The following EML5 variants were observed in gnomAD, a reference collection of about 807,000 sequenced individuals.
EML5 encodes the protein EMAP like 5.
In EML5, 120 loss-of-function variants were observed where a neutral mutation model predicts 250.0. The ratio of observed to expected loss-of-function variants is 0.48; its 90% confidence interval spans 0.41 to 0.56. EML5 has a LOEUF of 0.56. Among genes scored for constraint, EML5 ranks in the 20% least tolerant of loss-of-function variants. The pLI, the probability that EML5 is intolerant of heterozygous loss-of-function variation, is 0.00. For synonymous variants in EML5, 771 were observed against 806.5 expected (o/e 0.96, Z 0.75); for missense variants, 2,006 against 2,437.6 (o/e 0.82, Z 3.73).
chr14:88,740,510 G>A lies in EML5; in HGVS notation c.588C>T (p.Asp196=), dbSNP rs373319978. Residue 196 remains aspartate (D), a synonymous_variant, in exon 5 of 44, where the codon GAC becomes GAT. Coordinates refer to ENST00000554922, the MANE Select transcript of EML5 (RefSeq NM_183387.3). ...AGGCTAGGCACAGTATTGTCTGAAG[G>A]TCACCCGTCTTACCAAAGACACCTC... is the stretch of plus-strand genomic sequence containing the variant. The part of the protein sequence containing the change: ...PKRGVFGKTG[D]LQTILCLACA... 3.7e-6 allele frequency: 6 copies of A among 1,613,512 alleles called. No homozygotes were observed. The African/African-American group carries it at 8.0e-5, about 22-fold the overall frequency.
At chr14:88,682,175 T>G in intron 20 of EML5, 144 bp from the exon 21 acceptor site, 1 of 855,192 alleles carries the variant, frequency 1.2e-6, no homozygotes. Context: ...AACTTTTCTG[T>G]TTATCTTTGG....
At position 88,644,511 on chromosome 14, in the gene EML5, C is replaced by T; in HGVS notation, c.4029G>A (p.Arg1343=). 2 of 1,613,560 alleles carry T rather than the reference C, an allele frequency of 1.2e-6. No homozygotes were observed. Among genetic ancestry groups the T allele is most frequent in the Non-Finnish European group, 8.5e-7 (1 of 1,179,710 alleles). Reference sequence around the variant, plus strand: ...GTGGTGGGGCCCTGCTCACTGGAGGCCTGCAACAGAGAAGTGGGGAGGAGG... The same window carrying T: ...GTGGTGGGGCCCTGCTCACTGGAGGTCTGCAACAGAGAAGTGGGGAGGAGG... ...DERQGVVRGS[R]PPVSRAPPQP... Residue 1343 remains arginine (R), a splice_region_variant and synonymous_variant, in exon 30 of 44, where the codon AGG becomes AGA. Coordinates refer to ENST00000554922, the MANE Select transcript of EML5 (RefSeq NM_183387.3).
chr14:88,625,842 A>G (rs1438903537), intron 35 of EML5: 1 of 152,242 alleles, frequency 6.6e-6, no homozygotes, highest in Admixed American at 6.5e-5. Flanking sequence ...AACTTTTCCT[A>G]TAAGTATTGC....
In EML5 at chr14:88,696,928, T is replaced by C. The variant is rs749901278; in HGVS notation, c.2263A>G (p.Ile755Val). The C allele has an allele frequency of 4.4e-6, 7 of 1,599,538 alleles. No homozygotes were observed. The Admixed American group carries it at 8.5e-5, about 19-fold the overall frequency. Reference sequence around the variant, plus strand: ...GGTTTAATGGTCTCTGTATCCCATATATGAATTGAGGGATCTCTACCAACC... The same window carrying C: ...GGTTTAATGGTCTCTGTATCCCATACATGAATTGAGGGATCTCTACCAACC... The part of the protein sequence containing the change: ...GQVGRDPSIH[I>V]WDTETIKPLS... Residue 755 changes from isoleucine to valine, a missense_variant, in exon 15 of 44, where the codon ATA becomes GTA. Around this residue, in one of 7 missense-constraint regions of EML5, gnomAD observed 1,375 missense variants for 1,590.3 expected, o/e 0.86. Coordinates refer to ENST00000554922, the MANE Select transcript of EML5 (RefSeq NM_183387.3).
chr14:88,621,062 C>T (rs551079251), intron 38 of EML5, 51 bp downstream of exon 38: 1 of 1,547,786 alleles, frequency 6.5e-7, no homozygotes, highest in Admixed American at 2.1e-5. Flanking sequence ...GAACTTCCAA[C>T]TTTTCTTTTT....
rs1366543631 is a variant in EML5, at chr14:88,792,614, C to A, written c.-111G>T. 1.3e-5 allele frequency: 15 copies of A among 1,176,896 alleles called. No homozygotes were observed. Among genetic ancestry groups the A allele is most frequent in the Non-Finnish European group, 1.6e-5 (15 of 953,578 alleles). 72.9% of individuals were successfully genotyped at this position (1,176,896 alleles called of 1,614,324 possible). On this transcript the variant is annotated 5_prime_UTR_variant, in exon 1 of 44. Transcript: ENST00000554922. This position sits in a 1 kb window ranked among gnomAD's most constrained non-coding sequence, Gnocchi z 6.9. ...GGCTGCCGGGACTTCCCGCCAGCCG[C>A]GTCCTCTAAGCCGCGCCCGTCAGGT... is the stretch of plus-strand genomic sequence containing the variant.
At chr14:88,626,762 T>C in intron 35 of EML5, 76 bp downstream of exon 35, 2 of 1,438,856 alleles carry the variant, frequency 1.4e-6, no homozygotes, top group South Asian at 1.2e-5. Flanking sequence ...CTCAACAACA[T>C]TCATGTGGCT....
chr14:88,621,143 C>A lies in EML5; in HGVS notation c.5172G>T (p.Gly1724=), dbSNP rs1462641077. 6.2e-7 allele frequency: 1 copy of A among 1,613,874 alleles called. No individual in the cohort carries two copies. Among genetic ancestry groups the A allele is most frequent in the Admixed American group, 1.7e-5 (1 of 60,008 alleles). ...CAGCAATATCCCAAAGTCTCACTGT[C>A]CCATCTTCTGCAGCAGAAAGGAAAA... ...RDFFLSAAED[G]TVRLWDIADK... The change falls in exon 38 of 44, where the codon GGG becomes GGT. Residue 1724 remains glycine (G), a synonymous_variant. Transcript: ENST00000554922.
chr14:88,739,110 T>C, intron 5 of EML5, 96 bp from the exon 6 acceptor site: 2 of 1,201,084 alleles, frequency 1.7e-6, no homozygotes, highest in Admixed American at 6.0e-5. Flanking sequence ...TAACAATATT[T>C]TGGTAGGATA....
rs368882298 is a variant in EML5, at chr14:88,695,956, G to C, written c.2345-502C>G. The stretch of plus-strand genomic sequence containing the variant: ...CAAGCAATACATAATGAATATATTA[G>C]ACAAATCACTGCGACAAATGATCAG... On this transcript the variant is annotated intron_variant, in intron 15 of 43. Transcript: ENST00000554922. 4.6e-5 allele frequency among the ~76,000 whole-genome samples: 7 copies of C among 152,062 alleles called. No homozygotes were observed. In the South Asian group the frequency reaches 1.0e-3, roughly 23 times the overall value.
At chr14:88,672,637 A>G (rs575979952) in intron 21 of EML5, among the ~76,000 whole-genome samples, 1 of 152,116 alleles carries the variant, frequency 6.6e-6, no homozygotes, top group South Asian at 2.1e-4. Flanking sequence ...AATTAATAAA[A>G]TAGATCATTA....
chr14:88,695,171 C>T lies in EML5; in HGVS notation c.2438+190G>A, dbSNP rs143495870. 2.2e-4 allele frequency among the ~76,000 whole-genome samples: 34 copies of T among 151,774 alleles called. No individual in the cohort carries two copies. In the East Asian group the frequency reaches 4.7e-3, roughly 21 times the overall value. On this transcript the variant is annotated intron_variant, in intron 16 of 43. Transcript: ENST00000554922. ...ATAGTTATATTTAAAAGTGGGTTCA[C>T]AAGGGATAAATCTACAAAGAAATTC... is the stretch of plus-strand genomic sequence containing the variant.
chr14:88,684,946 T>C lies in EML5; in HGVS notation c.2982+69A>G, dbSNP rs535315927. The C allele has an allele frequency of 8.3e-6, 11 of 1,325,066 alleles. No individual in the cohort carries two copies. The Admixed American group carries it at 1.7e-4, about 20-fold the overall frequency. The allele number at this position is 1,325,066 out of a possible 1,614,324, so 82.1% of individuals were successfully genotyped here. A position where few individuals can be genotyped will look rare whatever the true frequency, so the allele number is the denominator to read the frequency against. Reference sequence around the variant, plus strand: ...CATTATTTTTCATCACTGTCAACTTTTGGCTCTTATATATTGAAATAATCA... The same window carrying C: ...CATTATTTTTCATCACTGTCAACTTCTGGCTCTTATATATTGAAATAATCA... On this transcript the variant is annotated intron_variant, in intron 20 of 43. Coordinates refer to ENST00000554922, the MANE Select transcript of EML5 (RefSeq NM_183387.3).
chr14:88,782,023 T>C (rs1237328647), intron 1 of EML5, among the ~76,000 whole-genome samples: 2 of 152,180 alleles, frequency 1.3e-5, no homozygotes, highest in African/African-American at 4.8e-5. Context: ...GTGGGAAAGT[T>C]TGGAACTTCC....
intron 41 of EML5, 29 bp from the exon 42 acceptor site, chr14:88,616,908 T>C (rs370993837): frequency 1.9e-6 from 3 of 1,609,394 alleles, no homozygotes; most frequent in Non-Finnish European, 8.5e-7. Context: ...AGAAAACTCA[T>C]CATGGCAAGT....
intron 9 of EML5, among the ~76,000 whole-genome samples, chr14:88,713,307 AC>A (rs1199172266): frequency 4.6e-5 from 7 of 151,776 alleles, no homozygotes; most frequent in Admixed American, 4.6e-4. Context: ...TAGGAGAATC[AC>A]CTGAACCTGG....
chr14:88,763,708 G>C (rs1416608206), intron 1 of EML5, among the ~76,000 whole-genome samples: 1 of 152,106 alleles, frequency 6.6e-6, no homozygotes, highest in Non-Finnish European at 1.5e-5. Flanking sequence ...AACAAAAAAA[G>C]GAAATTTCAG....
chr14:88,624,088 G>A (rs759043814), intron 36 of EML5: 4 of 151,196 alleles, frequency 2.6e-5, no homozygotes, highest in Non-Finnish European at 4.4e-5. Flanking sequence ...TTTTGTTTTT[G>A]TTTTTTAAAT....
At chr14:88,738,589 T>C (rs1014868323) in intron 6 of EML5, among the ~76,000 whole-genome samples, 1 of 152,130 alleles carries the variant, frequency 6.6e-6, no homozygotes, top group African/African-American at 2.4e-5. Flanking sequence ...GTAAAATACT[T>C]TCAAAATCCA....
Sources: allele counts gnomAD v4.1 joint callset (sites outside exome capture counted in the v4.1 genomes callset), GRCh38; gene constraint gnomAD v4.1.1; regional missense constraint gnomAD v4.1.1; non-coding constraint Gnocchi (gnomAD v3.1); transcripts MANE v1.5; gene names NCBI Gene and HGNC (gene_info 2026-07-23, HGNC 2026-07-21).